Variants in FANCD2OS observed in about 807,000 individuals in gnomAD.
The protein encoded by FANCD2OS is FANCD2 opposite strand protein.
A neutral mutation model predicts 13.2 loss-of-function variants in FANCD2OS; 11 were observed. That is an observed-to-expected ratio of 0.83 (90% confidence interval 0.52 to 1.38). FANCD2OS has a LOEUF of 1.38. Ranked by LOEUF, FANCD2OS falls within the 40% of genes most tolerant of loss-of-function variation. The pLI is 0.00. For synonymous variants in FANCD2OS, 69 were observed against 84.5 expected (o/e 0.82, Z 1.01); for missense variants, 217 against 213.9 (o/e 1.01, Z -0.09).
intron 2 of FANCD2OS, chr3:10,088,982 T>G: frequency 6.2e-7 from 1 of 1,612,256 alleles, no homozygotes; most frequent in African/African-American, 1.3e-5. Context: ...GTTTTTCCCT[T>G]AAGATAGAAT....
intron 2 of FANCD2OS, among the ~76,000 whole-genome samples, chr3:10,092,850 C>T (rs577076153): frequency 2.0e-5 from 3 of 151,888 alleles, no homozygotes; most frequent in Non-Finnish European, 2.9e-5. Flanking sequence ...TGCCACCACA[C>T]CCAGCTAATT....
At chr3:10,102,010 G>T (rs116207455), downstream of FANCD2OS, 2 of 174,168 alleles carry the variant, frequency 1.1e-5, no homozygotes, top group Admixed American at 1.3e-4. Context: ...GATTTGTGCA[G>T]AGAAATTATG....
At chr3:10,082,359 T>A (rs1693894601) in intron 2 of FANCD2OS, among the ~76,000 whole-genome samples, 1 of 152,206 alleles carries the variant, frequency 6.6e-6, no homozygotes, top group Admixed American at 6.6e-5. Context: ...CAACCTGGAC[T>A]GGGCTAGGTT....
At chr3:10,098,824 A>G (rs1402751853), downstream of FANCD2OS, 8 of 1,614,072 alleles carry the variant, frequency 5.0e-6, no homozygotes, top group South Asian at 5.5e-5. Context: ...AGGTATCTCT[A>G]CAAAACCCAC....
intron 2 of FANCD2OS, chr3:10,095,336 G>T: frequency 7.5e-7 from 1 of 1,332,562 alleles, no homozygotes; most frequent in Admixed American, 1.8e-5. Flanking sequence ...AGTTGCTATT[G>T]GGGGATCCAT....
In FANCD2OS at chr3:10,095,186, CTTATTGG is replaced by C. The variant is rs768603657; in HGVS notation, c.*43+9005_*43+9011del. On this transcript the variant is annotated intron_variant, in intron 2 of 2. Transcript: ENST00000524279. ...GGACATTTCATAGAGCATTTATAAA[CTTATTGG>C]TTATAGGAAGATGTTCTGAGCTTAC... 2.5e-6 allele frequency: 4 copies of C among 1,606,662 alleles called. 1 individual carries two copies. The South Asian group carries it at 4.4e-5, about 18-fold the overall frequency.
At chr3:10,099,218 A>T, downstream of FANCD2OS, 1 of 1,357,518 alleles carries the variant, frequency 7.4e-7, no homozygotes, top group Non-Finnish European at 9.5e-7. Context: ...ATTTGGTGAA[A>T]GCCAAAGCAC....
In FANCD2OS at chr3:10,082,612, G is replaced by A. The variant is rs982311249; in HGVS notation, c.*44-1081C>T. Among the ~76,000 whole-genome samples, 3 of 152,148 alleles carry A rather than the reference G, an allele frequency of 2.0e-5. No homozygotes were observed. The East Asian group carries it at 5.8e-4, about 29-fold the overall frequency. ...ACCCTATATAGCTTTTACGTGGGAG[G>A]CTTTGCACATGTTCATTCTCCTGCC... On this transcript the variant is annotated intron_variant, in intron 2 of 2. Coordinates refer to the FANCD2OS transcript ENST00000524279.
chr3:10,082,534 ATTCCAC>A (rs1433842646), intron 2 of FANCD2OS, among the ~76,000 whole-genome samples: 1 of 152,216 alleles, frequency 6.6e-6, no homozygotes, highest in East Asian at 1.9e-4. Flanking sequence ...GACTCCTGCT[ATTCCAC>A]TTATTATGTT....
chr3:10,102,621 C>CCAGGAGAT (rs1255112920), downstream of FANCD2OS, among the ~76,000 whole-genome samples: 3 of 150,316 alleles, frequency 2.0e-5, no homozygotes, highest in Non-Finnish European at 3.0e-5. Flanking sequence ...TCCAGGAGAT[C>CCAGGAGAT]CAGGAGATCA....
At chr3:10,091,490 A>G (rs1422229404) in intron 2 of FANCD2OS, among the ~76,000 whole-genome samples, 2 of 151,902 alleles carry the variant, frequency 1.3e-5, no homozygotes, top group African/African-American at 4.8e-5. Flanking sequence ...AAAAAAAAGA[A>G]AAAACATATA....
rs749465456 is a variant in FANCD2OS at position 10,081,425 on chromosome 3, A to C, written c.*150T>G. 4 of 1,614,064 alleles carry C rather than the reference A, an allele frequency of 2.5e-6. No homozygotes were observed. In the Admixed American group the frequency reaches 6.7e-5, roughly 27 times the overall value. The stretch of plus-strand genomic sequence containing the variant: ...GAGTACCACATAATGTCTTCCTGCT[A>C]TCAGAGGCTGCTGCAGATTTTTCAT... On this transcript the variant is annotated 3_prime_UTR_variant, in exon 3 of 3. Coordinates refer to the FANCD2OS transcript ENST00000524279.
At chr3:10,096,243 T>C in intron 2 of FANCD2OS, 7 of 1,440,126 alleles carry the variant, frequency 4.9e-6, no homozygotes, top group Non-Finnish European at 6.8e-6. Context: ...TGTGTTCTTA[T>C]TCAACATTCA....
chr3:10,091,280 C>T (rs539949942), intron 2 of FANCD2OS, among the ~76,000 whole-genome samples: 7 of 151,590 alleles, frequency 4.6e-5, no homozygotes, highest in South Asian at 2.1e-4. Flanking sequence ...GGGGTTTTGT[C>T]GTGTTGCTCA....
chr3:10,092,684 C>CT (rs565351425), intron 2 of FANCD2OS, among the ~76,000 whole-genome samples: 1,372 of 72,056 alleles, frequency 0.019, 170 homozygotes, highest in Non-Finnish European at 0.025. Flanking sequence ...TCTTTCATGT[C>CT]TTTTTTTTTT....
At position 10,104,175 on chromosome 3, in the gene FANCD2OS, T is replaced by A. The variant is rs1695402288; in HGVS notation, c.*66A>T. 7.2e-6 allele frequency: 10 copies of A among 1,393,904 alleles called. No homozygotes were observed. Among genetic ancestry groups the A allele is most frequent in the Non-Finnish European group, 9.7e-6 (10 of 1,029,642 alleles). The allele number at this position is 1,393,904 out of a possible 1,614,324, so 86.3% of individuals were successfully genotyped here. ...CACAGTTTCATTTACATGGACAGGT[T>A]TCTGTAAGCTTTAGGTACATACCAA... On this transcript the variant is annotated 3_prime_UTR_variant, in exon 2 of 2. Transcript: ENST00000450660.
Position 10,092,075 on chromosome 3 carries a change from A to G in FANCD2OS, c.*44-10544T>C, listed in dbSNP as rs1021293710. 1.6e-5 allele frequency: 14 copies of G among 878,856 alleles called. No individual in the cohort carries two copies. In the Admixed American group the frequency reaches 2.0e-4, roughly 13 times the overall value. The allele number at this position is 878,856 out of a possible 1,614,324, so 54.4% of individuals were successfully genotyped here. A position where few individuals can be genotyped will look rare whatever the true frequency, so the allele number is the denominator to read the frequency against. ...TGCTACATCTAAGGATAATTGGCTT[A>G]AATATCTGTATAGCTATGTAATTCA... On this transcript the variant is annotated intron_variant, in intron 2 of 2. Transcript: ENST00000524279.
At chr3:10,096,552 C>T (rs1694978948) in intron 2 of FANCD2OS, 2 of 1,343,906 alleles carry the variant, frequency 1.5e-6, no homozygotes, top group Non-Finnish European at 1.1e-6. Flanking sequence ...AGGAAGGTCA[C>T]CTAAGCCCTC....
At chr3:10,090,271 C>T (rs1266123291) in intron 2 of FANCD2OS, 7 of 1,578,992 alleles carry the variant, frequency 4.4e-6, no homozygotes, top group South Asian at 1.1e-5. Flanking sequence ...TGTGGGCACG[C>T]ATGCTTTTCC....
Sources: allele counts gnomAD v4.1 joint callset (sites outside exome capture counted in the v4.1 genomes callset), GRCh38; gene constraint gnomAD v4.1.1; transcripts MANE v1.5; gene names NCBI Gene and HGNC (gene_info 2026-07-23, HGNC 2026-07-21).